SPON2: variants seen among roughly 807,000 people sequenced by gnomAD.
The protein encoded by SPON2 is spondin-2.
SPON2 carries 32 observed loss-of-function variants against 29.9 expected under a neutral mutation model. That is an observed-to-expected ratio of 1.07 (90% CI 0.81 to 1.44). SPON2 has a LOEUF of 1.44. Ranked by LOEUF, SPON2 falls within the 40% of genes most tolerant of loss-of-function variation. The probability of loss-of-function intolerance (pLI) is 0.00; values close to 1 mark genes in which losing one functional copy is unlikely to be tolerated. For missense variants in SPON2, 541 were observed against 455.5 expected (o/e 1.19, Z -1.71); for synonymous variants, 248 against 209.1 (o/e 1.19, Z -1.61).
upstream of SPON2, among the ~76,000 whole-genome samples, chr4:1,176,024 G>T (rs1468104267): frequency 6.6e-6 from 1 of 152,142 alleles, no homozygotes; most frequent in East Asian, 1.9e-4. Flanking sequence ...CTCAGAGAGG[G>T]GGACATGGGA....
chr4:1,170,612 G>C lies in SPON2; in HGVS notation c.637-36C>G, dbSNP rs530834834. The C allele has an allele frequency of 1.9e-6, 3 of 1,581,182 alleles. No individual in the cohort carries two copies. The African/African-American group carries it at 4.1e-5, about 21-fold the overall frequency. ...AGAAGAGGAGGTTGGCCTGGGGTCC[G>C]AGAAGCCCACCTTCTGGTATGCGTA... On this transcript the variant is annotated intron_variant, in intron 4 of 5. Coordinates refer to ENST00000290902, the MANE Select transcript of SPON2 (RefSeq NM_012445.4).
At chr4:1,200,450 G>A (rs956847020) in intron 1 of SPON2, among the ~76,000 whole-genome samples, 1 of 152,172 alleles carries the variant, frequency 6.6e-6, no homozygotes, top group Non-Finnish European at 1.5e-5. Context: ...AAGCGAGGAT[G>A]GCTGAGCCGC....
At chr4:1,186,556 G>A (rs551441920) in intron 1 of SPON2, among the ~76,000 whole-genome samples, 15 of 152,144 alleles carry the variant, frequency 9.9e-5, no homozygotes, top group African/African-American at 3.4e-4. Context: ...CACCCACCTC[G>A]GCCTCCCAAA....
intron 1 of SPON2, among the ~76,000 whole-genome samples, chr4:1,207,581 A>T (rs112060197): frequency 7.6e-6 from 1 of 131,392 alleles, no homozygotes; most frequent in Non-Finnish European, 1.6e-5. Context: ...CCGCGCTTAC[A>T]CATGCTCCAG....
chr4:1,174,512 A>AAAAAAAAAAAAC (rs1560203869), upstream of SPON2, among the ~76,000 whole-genome samples: 4 of 148,864 alleles, frequency 2.7e-5, no homozygotes, highest in Non-Finnish European at 5.9e-5. Context: ...ACAAAAAAAC[A>AAAAAAAAAAAAC]AAAAACAAAA....
intron 1 of SPON2, among the ~76,000 whole-genome samples, chr4:1,181,107 C>G (rs1217206023): frequency 6.6e-6 from 1 of 152,142 alleles, no homozygotes; most frequent in Non-Finnish European, 1.5e-5. Flanking sequence ...CCGTCAAAGC[C>G]AAGGACAAAG....
exon 1 of SPON2, chr4:1,195,081 C>G (rs1438381848): frequency 6.7e-6 from 1 of 149,236 alleles, no homozygotes; most frequent in Non-Finnish European, 1.5e-5. Context: ...AACCCCGCAG[C>G]CGGCGGCTCC....
At chr4:1,208,271 AG>A (rs1363623958), upstream of SPON2, 2 of 151,492 alleles carry the variant, frequency 1.3e-5, no homozygotes, top group African/African-American at 4.9e-5. Context: ...CACAGTGGGG[AG>A]AGAAGGCAGG....
In SPON2 at chr4:1,185,549, A is replaced by G. The variant is rs1727776308; in HGVS notation, c.-238-6008T>C. ...ATGGTGAAACCCCGTCTCTATTAAA[A>G]ATACAAAAATTAGCCAGGCATGGTA... On this transcript the variant is annotated intron_variant, in intron 1 of 3. Transcript: ENST00000502483. 4.6e-5 allele frequency among the ~76,000 whole-genome samples: 7 copies of G among 151,422 alleles called. No homozygotes were observed. In the South Asian group the frequency reaches 1.5e-3, roughly 32 times the overall value.
rs371411643 is a variant in SPON2 at position 1,167,596 on chromosome 4, C to T, written c.872G>A (p.Gly291Asp). 2 of 1,613,550 alleles carry T rather than the reference C, an allele frequency of 1.2e-6. No homozygotes were observed. Among genetic ancestry groups the T allele is most frequent in the Non-Finnish European group, 1.7e-6 (2 of 1,179,980 alleles). ...CTTGGTCCCGAGCCTCCCACAGTGG[C>T]CTCCGCACAGTCCCCAGGACGACCA... The part of the protein sequence containing the change: ...SLWSSWGLCG[G>D]HCGRLGTKSR... The change falls in exon 6 of 6, where the codon GGC becomes GAC. Residue 291 changes from glycine to aspartate, a missense_variant. Physicochemically the swap from Gly to Asp is moderately conservative, Grantham distance 94 (BLOSUM62 -1). Transcript: ENST00000290902.
chr4:1,175,463 G>A (rs867683407), upstream of SPON2, among the ~76,000 whole-genome samples: 22 of 152,188 alleles, frequency 1.4e-4, no homozygotes, highest in South Asian at 1.2e-3. Context: ...CCCACTTGGC[G>A]GTGGGCCCAG....
intron 5 of SPON2, 117 bp from the exon 6 acceptor site, chr4:1,167,773 G>T: frequency 8.7e-7 from 1 of 1,148,106 alleles, no homozygotes; most frequent in Non-Finnish European, 1.2e-6. Context: ...CACCCTTCGG[G>T]GGCACTTGCG....
chr4:1,172,139 G>A (rs1275011302), intron 1 of SPON2, 65 bp from the exon 2 acceptor site: 21 of 1,437,520 alleles, frequency 1.5e-5, no homozygotes, highest in Admixed American at 1.8e-5. Flanking sequence ...GTGGAAAGCC[G>A]AGAGGGCTGC....
At position 1,193,350 on chromosome 4, in the gene SPON2, G is replaced by A. The variant is rs545748201; in HGVS notation, c.-239+1640C>T. ...ACACCCTTCATCACTGGGTGTCCCC[G>A]TCACCGGGTATCTGTCCTGGGGGAG... On this transcript the variant is annotated intron_variant, in intron 1 of 3. Coordinates refer to the SPON2 transcript ENST00000502483. Among the ~76,000 whole-genome samples the A allele has an allele frequency of 1.2e-4, 19 of 152,048 alleles. No individual in the cohort carries two copies. In the South Asian group the frequency reaches 2.1e-3, roughly 17 times the overall value.
At position 1,185,965 on chromosome 4, in the gene SPON2, C is replaced by G. The variant is rs540590012; in HGVS notation, c.-238-6424G>C. On this transcript the variant is annotated intron_variant, in intron 1 of 3. Coordinates refer to the SPON2 transcript ENST00000502483. ...TTGTGTATCAAAAGGCAACATCTGG[C>G]CGGGCGTGGTGGCTCACGCCTGTAA... Among the ~76,000 whole-genome samples the G allele has an allele frequency of 3.3e-3, 496 of 151,990 alleles. 4 individuals are homozygous for G. The highest frequency in any genetic ancestry group is 0.012 in the African/African-American group (482 of 41,480).
chr4:1,171,264 A>G lies in SPON2; in HGVS notation c.443T>C (p.Leu148Pro). The change falls in exon 3 of 6, where the codon CTG becomes CCG. Residue 148 changes from leucine (L) to proline (P), a missense_variant and splice_region_variant. By Grantham distance (98) the Leu-to-Pro change is moderately conservative (BLOSUM62 -3). Transcript: ENST00000290902. Reference protein sequence around the residue: ...AELEVQRRHSLVSFVVRIVPS... With the variant: ...AELEVQRRHSPVSFVVRIVPS... ...GCCCCCGGCCGGCCCCGCGCTCACCAGCGAGTGCCTGCGCTGCACCTCCAG... is the reference window on the plus strand; with the variant it reads ...GCCCCCGGCCGGCCCCGCGCTCACCGGCGAGTGCCTGCGCTGCACCTCCAG... The G allele has an allele frequency of 1.3e-6, 2 of 1,502,442 alleles. No individual in the cohort carries two copies. Among genetic ancestry groups the G allele is most frequent in the Non-Finnish European group, 1.8e-6 (2 of 1,133,098 alleles). The allele number at this position is 1,502,442 out of a possible 1,614,324, so 93.1% of individuals were successfully genotyped here. A position where few individuals can be genotyped will look rare whatever the true frequency, so the allele number is the denominator to read the frequency against.
intron 1 of SPON2, among the ~76,000 whole-genome samples, chr4:1,194,149 A>G (rs1321148255): frequency 1.3e-5 from 2 of 152,038 alleles, no homozygotes; most frequent in African/African-American, 4.8e-5. Context: ...GGCAGTGCCT[A>G]TGGGGAGAGA....
chr4:1,184,169 A>G (rs1318612873), intron 1 of SPON2, among the ~76,000 whole-genome samples: 1 of 152,134 alleles, frequency 6.6e-6, no homozygotes, highest in Non-Finnish European at 1.5e-5. Context: ...AGGTTTCACC[A>G]TGTTGCCCAG....
intron 1 of SPON2, chr4:1,194,972 C>T (rs1190633018): frequency 3.4e-5 from 5 of 145,706 alleles, no homozygotes; most frequent in Non-Finnish European, 7.5e-5. Flanking sequence ...ACTCCAACCC[C>T]GCAGCCGGCG....
Sources: gnomAD v4.1 joint callset for allele counts (sites outside exome capture counted in the v4.1 genomes callset) on GRCh38, gnomAD v4.1.1 for gene constraint, MANE v1.5 for transcripts, NCBI Gene and HGNC (gene_info 2026-07-23, HGNC 2026-07-21) for gene names.